GALNT13: variants seen among roughly 807,000 people sequenced by gnomAD.
GALNT13 encodes the protein polypeptide N-acetylgalactosaminyltransferase 13, also known as UDP-GalNAc:polypeptide N-acetylgalactosaminyltransferase 13.
A neutral mutation model predicts 64.2 loss-of-function variants in GALNT13; 28 were observed. The observed-to-expected ratio is 0.44, with a 90% CI of 0.32 to 0.60. The LOEUF is 0.60. Among genes scored for constraint, GALNT13 ranks in the 20% least tolerant of loss-of-function variants. The pLI is 0.05. For synonymous variants in GALNT13, 214 were observed against 224.6 expected (o/e 0.95, Z 0.42); for missense variants, 577 against 669.8 (o/e 0.86, Z 1.53).
chr2:154,077,184 C>T (rs191552543), intron 3 of GALNT13, among the ~76,000 whole-genome samples: 133 of 151,556 alleles, frequency 8.8e-4, no homozygotes, highest in African/African-American at 3.1e-3. Context: ...TGTATAAATG[C>T]GGCTGAGTAT....
chr2:154,204,677 G>A (rs1054833659), intron 4 of GALNT13, among the ~76,000 whole-genome samples: 5 of 151,996 alleles, frequency 3.3e-5, no homozygotes, highest in African/African-American at 1.2e-4. Context: ...ATGTCTAAAG[G>A]CTTTTTATAA....
At chr2:154,258,691 A>G (rs1690520748) in intron 7 of GALNT13, among the ~76,000 whole-genome samples, 1 of 151,918 alleles carries the variant, frequency 6.6e-6, no homozygotes, top group Non-Finnish European at 1.5e-5. Flanking sequence ...CCAGCTAACC[A>G]CTTCAAGGAC....
chr2:153,876,495 G>A (rs887433901), intron 1 of GALNT13, among the ~76,000 whole-genome samples: 1 of 152,224 alleles, frequency 6.6e-6, no homozygotes, highest in East Asian at 1.9e-4. Context: ...ATAGTCATCC[G>A]TTTGGGGCAT....
intron 3 of GALNT13, among the ~76,000 whole-genome samples, chr2:154,015,461 G>A (rs1696938865): frequency 6.6e-6 from 1 of 152,046 alleles, no homozygotes; most frequent in Admixed American, 6.6e-5. Flanking sequence ...AGATGTGTCT[G>A]GTACACTGAT....
intron 4 of GALNT13, among the ~76,000 whole-genome samples, chr2:154,231,404 A>T (rs907932063): frequency 2.6e-5 from 4 of 151,986 alleles, no homozygotes; most frequent in Non-Finnish European, 5.9e-5. Context: ...AGAAGAACTC[A>T]TGTTTCTATT....
chr2:154,078,651 G>A (rs1701111349), intron 3 of GALNT13, among the ~76,000 whole-genome samples: 1 of 151,242 alleles, frequency 6.6e-6, no homozygotes, highest in African/African-American at 2.4e-5. Context: ...TATTACATAT[G>A]ATGAACTTTT....
chr2:153,449,269 G>T, the GALNT13 span, among the ~76,000 whole-genome samples: 2 of 152,100 alleles, frequency 1.3e-5, no homozygotes, highest in Non-Finnish European at 2.9e-5. Context: ...AGCCCAAACC[G>T]AATACCAGAA....
chr2:153,725,767 C>G, the GALNT13 span, among the ~76,000 whole-genome samples: 1 of 127,872 alleles, frequency 7.8e-6, no homozygotes, highest in African/African-American at 3.8e-5. Context: ...AATTGGCATT[C>G]CTAATGTGCA....
the GALNT13 span, among the ~76,000 whole-genome samples, chr2:153,778,188 G>A: frequency 4.6e-5 from 7 of 152,178 alleles, no homozygotes; most frequent in Non-Finnish European, 8.8e-5. Flanking sequence ...ATGTCCAGCT[G>A]TCTGTGTGTT....
At chr2:154,019,703 T>C (rs1697301103) in intron 3 of GALNT13, among the ~76,000 whole-genome samples, 1 of 151,878 alleles carries the variant, frequency 6.6e-6, no homozygotes. Flanking sequence ...TTTTTTTGTT[T>C]TTTTCATTTT....
At chr2:153,987,110 A>C (rs1187645857) in intron 3 of GALNT13, among the ~76,000 whole-genome samples, 1 of 151,908 alleles carries the variant, frequency 6.6e-6, no homozygotes, top group East Asian at 1.9e-4. Context: ...CCATTTATAC[A>C]CACAATAATA....
At chr2:153,297,624 A>C in the GALNT13 span, among the ~76,000 whole-genome samples, 4 of 152,172 alleles carry the variant, frequency 2.6e-5, no homozygotes, top group Non-Finnish European at 5.9e-5. Flanking sequence ...ACTTTATTGT[A>C]ATGTACAAGG....
intron 10 of GALNT13, among the ~76,000 whole-genome samples, chr2:154,407,372 A>T (rs528745494): frequency 6.6e-6 from 1 of 152,146 alleles, no homozygotes; most frequent in East Asian, 1.9e-4. Flanking sequence ...AGTCAATAAA[A>T]TCTGATGTAA....
At chr2:153,952,915 C>T (rs1339150670) in intron 3 of GALNT13, among the ~76,000 whole-genome samples, 12 of 152,122 alleles carry the variant, frequency 7.9e-5, no homozygotes, top group Non-Finnish European at 7.4e-5. Context: ...GCATCCATCA[C>T]GGAAGAAAGA....
intron 3 of GALNT13, among the ~76,000 whole-genome samples, chr2:154,025,900 A>G (rs1188696593): frequency 6.6e-6 from 1 of 152,090 alleles, no homozygotes; most frequent in African/African-American, 2.4e-5. Context: ...TGAGAGGAGG[A>G]TACATGTGAA....
chr2:153,921,114 C>T (rs1689726746), intron 2 of GALNT13, among the ~76,000 whole-genome samples: 2 of 152,014 alleles, frequency 1.3e-5, no homozygotes, highest in Non-Finnish European at 2.9e-5. Flanking sequence ...CCCAGCAATC[C>T]CATGTTTGAG....
At chr2:153,125,214 G>A in the GALNT13 span, among the ~76,000 whole-genome samples, 4 of 152,210 alleles carry the variant, frequency 2.6e-5, no homozygotes, top group Admixed American at 2.0e-4. Flanking sequence ...CAACCAATTA[G>A]TAACAGAATC....
intron 4 of GALNT13, among the ~76,000 whole-genome samples, chr2:154,149,239 G>C (rs1207060948): frequency 6.6e-6 from 1 of 152,138 alleles, no homozygotes; most frequent in Non-Finnish European, 1.5e-5. Context: ...GATAGTTGTA[G>C]ATATGCGGCG....
At chr2:154,241,958 G>A in intron 4 of GALNT13, 72 bp from the exon 5 acceptor site, 2 of 904,192 alleles carry the variant, frequency 2.2e-6, no homozygotes, top group Non-Finnish European at 1.6e-6. Context: ...GTGTTATTAT[G>A]GATATTTCTT....
Sources: gnomAD v4.1 joint callset for allele counts (sites outside exome capture counted in the v4.1 genomes callset) on GRCh38, gnomAD v4.1.1 for gene constraint, MANE v1.5 for transcripts, NCBI Gene and HGNC (gene_info 2026-07-23, HGNC 2026-07-21) for gene names.